SH2D3C: variants seen among roughly 807,000 people sequenced by gnomAD.
SH2D3C encodes SH2 domain containing 3C.
In SH2D3C, 25 loss-of-function variants were observed where a neutral mutation model predicts 75.2. That is an observed-to-expected ratio of 0.33 (90% confidence interval 0.24 to 0.46). The LOEUF is 0.46. Ranked by LOEUF, SH2D3C falls within the 20% of genes least tolerant of loss-of-function variation. The pLI is 1.00. For synonymous variants in SH2D3C, 450 were observed against 473.7 expected (o/e 0.95, Z 0.65); for missense variants, 933 against 1,165.3 (o/e 0.80, Z 2.90).
At position 127,774,161 on chromosome 9, in the gene SH2D3C, G is replaced by A; in HGVS notation, c.344C>T (p.Pro115Leu). The A allele has an allele frequency of 6.2e-7, 1 of 1,614,020 alleles. No homozygotes were observed. Among genetic ancestry groups the A allele is most frequent in the Non-Finnish European group, 8.5e-7 (1 of 1,179,936 alleles). ...NLVPGGVPDP[P>L]GLEAAKEVMV... ...CACCTCTTTGGCTGCCTCCAAGCCTGGGGGGTCGGGTACACCTCCGGGTAC... is the reference window on the plus strand; with the variant it reads ...CACCTCTTTGGCTGCCTCCAAGCCTAGGGGGTCGGGTACACCTCCGGGTAC... Residue 115 changes from proline to leucine, a missense_variant, in exon 2 of 12, where the codon CCA becomes CTA. By Grantham distance (98) the Pro-to-Leu change is moderately conservative. Coordinates refer to ENST00000314830, the MANE Select transcript of SH2D3C (RefSeq NM_170600.3). The surrounding 1 kb of genome is among the most constrained non-coding windows in gnomAD (Gnocchi z 4.3).
chr9:127,760,218 T>C (rs1404996066), intron 3 of SH2D3C, among the ~76,000 whole-genome samples: 1 of 152,076 alleles, frequency 6.6e-6, no homozygotes, highest in East Asian at 1.9e-4. Flanking sequence ...CTTCCATGGG[T>C]CCCACATGGA....
At chr9:127,768,095 G>C (rs1845668936) in intron 2 of SH2D3C, among the ~76,000 whole-genome samples, 1 of 152,216 alleles carries the variant, frequency 6.6e-6, no homozygotes, top group Admixed American at 6.5e-5. Context: ...GCCGGGAGCA[G>C]CTGGGCCCCT....
intron 2 of SH2D3C, among the ~76,000 whole-genome samples, chr9:127,772,154 A>C (rs1845748819): frequency 1.3e-5 from 2 of 151,984 alleles, no homozygotes; most frequent in Admixed American, 1.3e-4. Context: ...TCTCAGGAAA[A>C]AGCTGCTCAA....
chr9:127,763,065 G>A (rs986441253), intron 2 of SH2D3C, among the ~76,000 whole-genome samples: 1 of 152,118 alleles, frequency 6.6e-6, no homozygotes, highest in Non-Finnish European at 1.5e-5. Flanking sequence ...CACCCTCCTT[G>A]GCAACTTGTT....
chr9:127,757,462 A>G (rs1352048935), intron 3 of SH2D3C, among the ~76,000 whole-genome samples: 1 of 146,110 alleles, frequency 6.8e-6, no homozygotes, highest in African/African-American at 2.5e-5. Flanking sequence ...ACATGGTCTC[A>G]CTCTGTCACC....
chr9:127,744,966 G>A lies in SH2D3C; in HGVS notation c.1398C>T (p.Gly466=). 3 of 1,551,024 alleles carry A rather than the reference G, an allele frequency of 1.9e-6. No homozygotes were observed. The highest frequency in any genetic ancestry group is 2.5e-5 in the South Asian group (2 of 80,908). Residue 466 remains glycine, a synonymous_variant, in exon 7 of 12, where the codon GGC becomes GGT. Transcript: ENST00000314830. The stretch of plus-strand genomic sequence containing the variant: ...GGGTGTGGGAGGGGCTGGTGTGGGG[G>A]CCCTTGTCTGACTCCCCATGGGTCT... The part of the protein sequence containing the change: ...APKTHGESDK[G]PHTSPSHTLG...
At chr9:127,768,066 G>A (rs954986938) in intron 2 of SH2D3C, among the ~76,000 whole-genome samples, 3 of 152,192 alleles carry the variant, frequency 2.0e-5, no homozygotes, top group African/African-American at 7.2e-5. Flanking sequence ...CTGTGAGAAA[G>A]TCTCCACAGG....
intron 2 of SH2D3C, among the ~76,000 whole-genome samples, chr9:127,763,379 C>T (rs761041812): frequency 2.0e-5 from 3 of 152,146 alleles, no homozygotes; most frequent in Non-Finnish European, 2.9e-5. Flanking sequence ...ACCACTGAGA[C>T]CCAGTCCCCA....
rs575178590 is a variant in SH2D3C, at chr9:127,751,362, A to G, written c.556-62T>C. On this transcript the variant is annotated intron_variant, in intron 3 of 11. Coordinates refer to ENST00000314830, the MANE Select transcript of SH2D3C (RefSeq NM_170600.3). The surrounding 1 kb of genome is among the most constrained non-coding windows in gnomAD (Gnocchi z 4.1). ...AAGTCTCCTTCTTCTTTCCCTCCCA[A>G]CTTCATTCTACCATGGATGAACTCC... is the stretch of plus-strand genomic sequence containing the variant. 3.3e-6 allele frequency: 5 copies of G among 1,526,950 alleles called. No homozygotes were observed. Among genetic ancestry groups the G allele is most frequent in the East Asian group, 2.3e-5 (1 of 44,444 alleles). 94.6% of individuals were successfully genotyped at this position (1,526,950 alleles called of 1,614,324 possible). A position where few individuals can be genotyped will look rare whatever the true frequency, so the allele number is the denominator to read the frequency against.
rs1845143480 is a variant in SH2D3C at position 127,749,754 on chromosome 9, G to C, written c.685-89C>G. ...GGGGACAGAGCAACCCAGGATTAGG[G>C]GGCACAGCAAGACCAGACCCAGGGC... is the stretch of plus-strand genomic sequence containing the variant. On this transcript the variant is annotated intron_variant, in intron 4 of 11. Coordinates refer to ENST00000314830, the MANE Select transcript of SH2D3C (RefSeq NM_170600.3). This position sits in a 1 kb window ranked among gnomAD's most constrained non-coding sequence, Gnocchi z 5.9. 1 of 799,362 alleles carries C rather than the reference G, an allele frequency of 1.3e-6. No homozygotes were observed. Among genetic ancestry groups the C allele is most frequent in the Non-Finnish European group, 2.0e-6 (1 of 487,940 alleles). The allele number at this position is 799,362 out of a possible 1,614,324, so 49.5% of individuals were successfully genotyped here.
chr9:127,760,045 A>T (rs1845490945), intron 3 of SH2D3C, among the ~76,000 whole-genome samples: 1 of 151,536 alleles, frequency 6.6e-6, no homozygotes. Flanking sequence ...AGTCCCAGGG[A>T]CTTAGGAGGC....
chr9:127,743,785 G>A (rs1222329785), intron 7 of SH2D3C, among the ~76,000 whole-genome samples: 2 of 152,170 alleles, frequency 1.3e-5, no homozygotes, highest in Admixed American at 6.5e-5. Flanking sequence ...AGAGAACTGG[G>A]GTCTTTAGAT....
At chr9:127,777,368 A>G (rs1829033215) in intron 1 of SH2D3C, among the ~76,000 whole-genome samples, 1 of 151,764 alleles carries the variant, frequency 6.6e-6, no homozygotes, top group African/African-American at 2.4e-5. Flanking sequence ...TCCCAGCCTC[A>G]CTGCTGTTGG....
At chr9:127,757,768 C>A (rs566807129) in intron 3 of SH2D3C, among the ~76,000 whole-genome samples, 14 of 151,878 alleles carry the variant, frequency 9.2e-5, no homozygotes, top group African/African-American at 3.1e-4. Context: ...ATTCTCCTGC[C>A]TCATCCTCCT....
At chr9:127,743,836 T>C (rs532873482) in intron 7 of SH2D3C, among the ~76,000 whole-genome samples, 93 of 152,166 alleles carry the variant, frequency 6.1e-4, no homozygotes, top group Non-Finnish European at 7.9e-4. Context: ...GCATTGACAA[T>C]TTATGGGCCG....
chr9:127,753,487 A>G (rs1845261760), intron 3 of SH2D3C, among the ~76,000 whole-genome samples: 2 of 152,146 alleles, frequency 1.3e-5, no homozygotes, highest in African/African-American at 4.8e-5. Flanking sequence ...ACAGGTGCTC[A>G]GGAGAAAGGC....
At chr9:127,765,654 T>C (rs540297997) in intron 2 of SH2D3C, among the ~76,000 whole-genome samples, 10 of 152,332 alleles carry the variant, frequency 6.6e-5, no homozygotes, top group African/African-American at 2.2e-4. Context: ...AGAATGTCTT[T>C]GCTCCCTTTT....
intron 5 of SH2D3C, among the ~76,000 whole-genome samples, chr9:127,747,954 A>T (rs976024634): frequency 1.3e-5 from 2 of 152,148 alleles, no homozygotes; most frequent in Non-Finnish European, 2.9e-5. Context: ...GGGGGCACCC[A>T]GCTGAGCCAA....
intron 7 of SH2D3C, among the ~76,000 whole-genome samples, chr9:127,743,847 A>C (rs1156469415): frequency 6.6e-6 from 1 of 151,422 alleles, no homozygotes; most frequent in African/African-American, 2.4e-5. Context: ...TTATGGGCCG[A>C]GGAGGTAATG....
Sources: allele counts gnomAD v4.1 joint callset (sites outside exome capture counted in the v4.1 genomes callset), GRCh38; gene constraint gnomAD v4.1.1; non-coding constraint Gnocchi (gnomAD v3.1); transcripts MANE v1.5; gene names NCBI Gene and HGNC (gene_info 2026-07-23, HGNC 2026-07-21).